Variants in DRC11 observed in about 807,000 individuals in gnomAD.
The protein encoded by DRC11 is IQ and AAA domain-containing protein 1.
chr2:236,471,599 T>C, the DRC11 span, among the ~76,000 whole-genome samples: 3 of 152,248 alleles, frequency 2.0e-5, no homozygotes, highest in Non-Finnish European at 4.4e-5. The surrounding 1 kb of genome is among the most constrained non-coding windows in gnomAD (Gnocchi z 4.6). Context: ...TAGTGCTTAC[T>C]GCATGCTACT....
chr2:236,441,003 G>T, the DRC11 span: 1 of 1,201,214 alleles, frequency 8.3e-7, no homozygotes, highest in South Asian at 1.3e-5. Context: ...AATGTCATTT[G>T]ATATATTTAC....
chr2:236,480,000 G>A, the DRC11 span, among the ~76,000 whole-genome samples: 51 of 148,566 alleles, frequency 3.4e-4, no homozygotes, highest in Non-Finnish European at 6.1e-4. This position sits in a 1 kb window ranked among gnomAD's most constrained non-coding sequence, Gnocchi z 4.1. Flanking sequence ...GCTTTGTTGC[G>A]TGCAGTATTC....
At chr2:236,491,159 GTATATATA>G in the DRC11 span, among the ~76,000 whole-genome samples, 38 of 40,340 alleles carry the variant, frequency 9.4e-4, 3 homozygotes, top group Non-Finnish European at 1.2e-3. Context: ...TATACACACA[GTATATATA>G]TATATATATA....
chr2:236,327,257 C>CTTTTTG, the DRC11 span, among the ~76,000 whole-genome samples: 2 of 152,090 alleles, frequency 1.3e-5, no homozygotes, highest in Non-Finnish European at 2.9e-5. Flanking sequence ...ACAAACTGTT[C>CTTTTTG]TTTTTGTTTT....
chr2:236,388,680 T>C, the DRC11 span, among the ~76,000 whole-genome samples: 1 of 150,898 alleles, frequency 6.6e-6, no homozygotes, highest in Non-Finnish European at 1.5e-5. Flanking sequence ...TCATTCTCCA[T>C]CCAGCTTTGT....
chr2:236,420,340 T>C, the DRC11 span, among the ~76,000 whole-genome samples: 1 of 152,178 alleles, frequency 6.6e-6, no homozygotes. The surrounding 1 kb of genome is among the most constrained non-coding windows in gnomAD (Gnocchi z 4.8). Flanking sequence ...AGAACACATG[T>C]CAACTTACTC....
the DRC11 span, among the ~76,000 whole-genome samples, chr2:236,323,372 C>A: frequency 6.6e-6 from 1 of 152,262 alleles, no homozygotes; most frequent in East Asian, 1.9e-4. This position sits in a 1 kb window ranked among gnomAD's most constrained non-coding sequence, Gnocchi z 6.4. Context: ...GAAATTGGGG[C>A]ACCTTTGGTA....
the DRC11 span, among the ~76,000 whole-genome samples, chr2:236,355,313 A>G: frequency 3.9e-5 from 6 of 152,180 alleles, no homozygotes; most frequent in Non-Finnish European, 8.8e-5. Context: ...GGCCCTGCCT[A>G]TGTGGGAGCA....
At chr2:236,366,549 C>T in the DRC11 span, among the ~76,000 whole-genome samples, 2 of 150,220 alleles carry the variant, frequency 1.3e-5, no homozygotes, top group Admixed American at 6.6e-5. Flanking sequence ...CTCTGCTCTC[C>T]GGAGGACCTC....
At chr2:236,437,553 C>T in the DRC11 span, among the ~76,000 whole-genome samples, 4 of 150,910 alleles carry the variant, frequency 2.7e-5, no homozygotes, top group African/African-American at 9.7e-5. Flanking sequence ...TTTACAGTCC[C>T]ACCAACAGTG....
At chr2:236,373,883 C>T in the DRC11 span, among the ~76,000 whole-genome samples, 1 of 152,156 alleles carries the variant, frequency 6.6e-6, no homozygotes, top group Admixed American at 6.5e-5. Context: ...TATGCTTCAT[C>T]TTTACTTTTC....
the DRC11 span, among the ~76,000 whole-genome samples, chr2:236,415,942 G>T: frequency 6.6e-6 from 1 of 152,098 alleles, no homozygotes; most frequent in Non-Finnish European, 1.5e-5. The surrounding 1 kb of genome is among the most constrained non-coding windows in gnomAD (Gnocchi z 5.7). Flanking sequence ...AAATTGTCTC[G>T]CAGAGTAAGA....
the DRC11 span, among the ~76,000 whole-genome samples, chr2:236,459,684 T>A: frequency 1.4e-5 from 2 of 145,252 alleles, no homozygotes; most frequent in African/African-American, 5.0e-5. Flanking sequence ...TATATATGTA[T>A]ATACATATAT....
chr2:236,471,245 C>T, the DRC11 span, among the ~76,000 whole-genome samples: 28 of 152,102 alleles, frequency 1.8e-4, no homozygotes, highest in Non-Finnish European at 4.0e-4. The surrounding 1 kb of genome is among the most constrained non-coding windows in gnomAD (Gnocchi z 4.6). Context: ...TTCTTACTCT[C>T]CGTGCTTTGC....
chr2:236,471,892 C>T, the DRC11 span, among the ~76,000 whole-genome samples: 8 of 152,142 alleles, frequency 5.3e-5, no homozygotes, highest in Admixed American at 2.0e-4. The surrounding 1 kb of genome is among the most constrained non-coding windows in gnomAD (Gnocchi z 4.6). Flanking sequence ...CACAGATGTC[C>T]TGCCCTAGAA....
chr2:236,424,167 G>A, the DRC11 span, among the ~76,000 whole-genome samples: 17 of 151,882 alleles, frequency 1.1e-4, no homozygotes, highest in East Asian at 2.1e-3. Context: ...TAACCTGCAC[G>A]TTGTGCACAT....
At chr2:236,322,235 T>C in the DRC11 span, among the ~76,000 whole-genome samples, 1 of 137,258 alleles carries the variant, frequency 7.3e-6, no homozygotes, top group East Asian at 2.0e-4. Context: ...TCCTCTTTTT[T>C]TTTTTTTTTT....
chr2:236,343,687 A>T, the DRC11 span: 2 of 1,299,148 alleles, frequency 1.5e-6, no homozygotes, highest in Middle Eastern at 2.1e-4. The surrounding 1 kb of genome is among the most constrained non-coding windows in gnomAD (Gnocchi z 6.6). Flanking sequence ...CATTCCTGCC[A>T]TCCATTTTGC....
At chr2:236,485,193 G>C in the DRC11 span, among the ~76,000 whole-genome samples, 1 of 151,858 alleles carries the variant, frequency 6.6e-6, no homozygotes, top group Non-Finnish European at 1.5e-5. Context: ...TAACCTGCTA[G>C]TGCCTGTGGT....
Sources: allele counts gnomAD v4.1 joint callset (sites outside exome capture counted in the v4.1 genomes callset), GRCh38; gene constraint gnomAD v4.1.1; non-coding constraint Gnocchi (gnomAD v3.1); transcripts MANE v1.5; gene names NCBI Gene and HGNC (gene_info 2026-07-23, HGNC 2026-07-21).